Variants in PTPN14 observed in about 807,000 individuals in gnomAD.
PTPN14 encodes protein tyrosine phosphatase non-receptor type 14.
PTPN14 carries 53 observed loss-of-function variants against 126.8 expected under a neutral mutation model. That is an observed-to-expected ratio of 0.42 (90% CI 0.34 to 0.53). The LOEUF is 0.53. PTPN14 is among the 20% of genes least tolerant of loss of function. The pLI is 0.08. For synonymous variants in PTPN14, 630 were observed against 599.3 expected (o/e 1.05, Z -0.75); for missense variants, 1,257 against 1,552.9 (o/e 0.81, Z 3.20).
intron 3 of PTPN14, among the ~76,000 whole-genome samples, chr1:214,417,758 T>C (rs1355016100): frequency 6.6e-6 from 1 of 152,112 alleles, no homozygotes; most frequent in Admixed American, 6.5e-5. Context: ...ACCACAGAAC[T>C]ACAAATAAGG....
chr1:214,394,553 G>A (rs1658833558), intron 9 of PTPN14, among the ~76,000 whole-genome samples: 1 of 152,140 alleles, frequency 6.6e-6, no homozygotes, highest in Non-Finnish European at 1.5e-5. Flanking sequence ...GACTACAGGT[G>A]CCCACCACCA....
At chr1:214,396,024 C>T (rs1407119460) in intron 8 of PTPN14, among the ~76,000 whole-genome samples, 1 of 152,048 alleles carries the variant, frequency 6.6e-6, no homozygotes, top group East Asian at 1.9e-4. Context: ...ACCAAGCAGA[C>T]CACAGGCCCC....
intron 1 of PTPN14, among the ~76,000 whole-genome samples, chr1:214,477,446 C>A (rs1660892886): frequency 6.6e-6 from 1 of 152,142 alleles, no homozygotes; most frequent in African/African-American, 2.4e-5. Flanking sequence ...ACACACATAC[C>A]CCACACTACT....
chr1:214,444,576 T>G (rs895296486), intron 3 of PTPN14, among the ~76,000 whole-genome samples: 2 of 152,216 alleles, frequency 1.3e-5, no homozygotes, highest in African/African-American at 4.8e-5. Context: ...ACAGACACTT[T>G]AAACACTGGT....
chr1:214,452,151 T>C lies in PTPN14; in HGVS notation c.175-177A>G, dbSNP rs1357138303. On this transcript the variant is annotated intron_variant, in intron 2 of 18. Coordinates refer to ENST00000366956, the MANE Select transcript of PTPN14 (RefSeq NM_005401.5). ...AAAAGAAACCACAACCACACACTAC[T>C]GTAACATACATGGAGTATCCAGATG... Among the ~76,000 whole-genome samples, 4 of 152,224 alleles carry C rather than the reference T, an allele frequency of 2.6e-5. No individual in the cohort carries two copies. In the East Asian group the frequency reaches 7.7e-4, roughly 29 times the overall value.
chr1:214,444,771 T>C (rs1420261987), intron 3 of PTPN14, among the ~76,000 whole-genome samples: 2 of 152,256 alleles, frequency 1.3e-5, no homozygotes, highest in East Asian at 3.9e-4. Context: ...CAAAACACCA[T>C]TTTAACCCTT....
In PTPN14 at chr1:214,352,186, C is replaced by A. The variant is rs1354812330; in HGVS notation, c.*5736G>T. 2 of 152,202 alleles carry A rather than the reference C, an allele frequency of 1.3e-5. No individual in the cohort carries two copies. The highest frequency in any genetic ancestry group is 3.8e-4 in the East Asian group (2 of 5,198). The allele number at this position is 152,202 out of a possible 1,614,324, so 9.4% of individuals were successfully genotyped here. A position where few individuals can be genotyped will look rare whatever the true frequency, so the allele number is the denominator to read the frequency against. ...ACATCCTCTTCTTTACTGTACCAAACAACAATCATTTTCCAGTCTATGAAA... is the reference window on the plus strand; with the variant it reads ...ACATCCTCTTCTTTACTGTACCAAAAAACAATCATTTTCCAGTCTATGAAA... On this transcript the variant is annotated 3_prime_UTR_variant, in exon 19 of 19. Coordinates refer to ENST00000366956, the MANE Select transcript of PTPN14 (RefSeq NM_005401.5).
chr1:214,502,655 G>A (rs1654735738), intron 1 of PTPN14, among the ~76,000 whole-genome samples: 1 of 152,098 alleles, frequency 6.6e-6, no homozygotes. Flanking sequence ...CACTGTGCGA[G>A]GCCAACTAAA....
intron 3 of PTPN14, among the ~76,000 whole-genome samples, chr1:214,435,077 G>A (rs1057019613): frequency 1.3e-5 from 2 of 152,196 alleles, no homozygotes; most frequent in East Asian, 3.8e-4. Flanking sequence ...GCTGCGGGTT[G>A]CACAAACTTG....
rs867618737 is a variant in PTPN14, at chr1:214,481,511, C to A, written c.-154-16554G>T. Reference sequence around the variant, plus strand: ...GGGAAACAAGCGCGAAACTCCCGCTCAAAAAAAAAAAAAAAAAAAAGAATA... The same window carrying A: ...GGGAAACAAGCGCGAAACTCCCGCTAAAAAAAAAAAAAAAAAAAAAGAATA... On this transcript the variant is annotated intron_variant, in intron 1 of 18. Coordinates refer to ENST00000366956, the MANE Select transcript of PTPN14 (RefSeq NM_005401.5). Among the ~76,000 whole-genome samples the A allele has an allele frequency of 5.2e-3, 348 of 67,432 alleles. 1 individual carries two copies. The highest frequency in any genetic ancestry group is 0.012 in the South Asian group (19 of 1,524). 44.2% of individuals were successfully genotyped at this position (67,432 alleles called of 152,430 possible).
In PTPN14 at chr1:214,405,609, C is replaced by CA. The variant is rs1211864676; in HGVS notation, c.511-2657dup. The stretch of plus-strand genomic sequence containing the variant: ...CTCTGTCTGCTCACATAACAAAATC[C>CA]AAAAAAAAAAAAAAGCATAGAGTGA... On this transcript the variant is annotated intron_variant, in intron 5 of 18. Transcript: ENST00000366956. 4.3e-3 allele frequency among the ~76,000 whole-genome samples: 479 copies of CA among 110,688 alleles called. 3 individuals carry two copies. In the East Asian group the frequency reaches 0.055, roughly 13 times the overall value. The allele number at this position is 110,688 out of a possible 152,430, so 72.6% of individuals were successfully genotyped here.
chr1:214,522,087 C>T (rs558306154), intron 1 of PTPN14, among the ~76,000 whole-genome samples: 12 of 151,812 alleles, frequency 7.9e-5, no homozygotes, highest in Admixed American at 2.0e-4. Flanking sequence ...GAGGTGTGCA[C>T]CGTCACACCC....
intron 15 of PTPN14, among the ~76,000 whole-genome samples, chr1:214,373,179 C>T (rs1658259771): frequency 6.6e-6 from 1 of 152,174 alleles, no homozygotes; most frequent in African/African-American, 2.4e-5. Flanking sequence ...CTCAGAATCC[C>T]AAGGAGCTGG....
chr1:214,455,900 C>G (rs1253811853), intron 2 of PTPN14, among the ~76,000 whole-genome samples: 3 of 127,696 alleles, frequency 2.3e-5, no homozygotes, highest in African/African-American at 8.1e-5. Context: ...GTTTTGAGGG[C>G]AGGGGACATT....
At chr1:214,440,521 A>C (rs1439640232) in intron 3 of PTPN14, among the ~76,000 whole-genome samples, 2 of 152,254 alleles carry the variant, frequency 1.3e-5, no homozygotes, top group Non-Finnish European at 2.9e-5. Context: ...AGGGACATAT[A>C]ATCTAGCCCT....
chr1:214,549,981 T>C (rs1210838103), intron 1 of PTPN14, among the ~76,000 whole-genome samples: 1 of 152,210 alleles, frequency 6.6e-6, no homozygotes, highest in Non-Finnish European at 1.5e-5. Flanking sequence ...CTGTCCTTCT[T>C]GTGTTCACTC....
Position 214,469,315 on chromosome 1 carries a change from C to G in PTPN14, c.-154-4358G>C, listed in dbSNP as rs770718673. Among the ~76,000 whole-genome samples, 27 of 152,268 alleles carry G rather than the reference C, an allele frequency of 1.8e-4. 1 individual carries two copies. Among genetic ancestry groups the G allele is most frequent in the Non-Finnish European group, 2.5e-4 (17 of 68,034 alleles). On this transcript the variant is annotated intron_variant, in intron 1 of 18. Coordinates refer to ENST00000366956, the MANE Select transcript of PTPN14 (RefSeq NM_005401.5). ...AGCCATTCACACAGGCGTAGAGTTC[C>G]ACCTCAAACTCAGCTCCCTCCTATA...
chr1:214,489,241 C>T (rs1661179726), intron 1 of PTPN14, among the ~76,000 whole-genome samples: 1 of 152,080 alleles, frequency 6.6e-6, no homozygotes, highest in South Asian at 2.1e-4. Context: ...ATTACTTATC[C>T]TCATGTTATG....
chr1:214,538,394 A>G (rs370803636), intron 1 of PTPN14, among the ~76,000 whole-genome samples: 44 of 152,352 alleles, frequency 2.9e-4, no homozygotes, highest in African/African-American at 1.0e-3. Context: ...AACTATAGAT[A>G]AAAATAACAT....
Sources: gnomAD v4.1 joint callset for allele counts (sites outside exome capture counted in the v4.1 genomes callset) on GRCh38, gnomAD v4.1.1 for gene constraint, MANE v1.5 for transcripts, NCBI Gene and HGNC (gene_info 2026-07-23, HGNC 2026-07-21) for gene names.